CHRNB1: variants seen among roughly 807,000 people sequenced by gnomAD.
CHRNB1 encodes the protein acetylcholine receptor subunit beta.
Under a neutral mutation model 53.8 loss-of-function variants are expected in CHRNB1, and 47 were observed. The ratio of observed to expected loss-of-function variants is 0.87; its 90% CI spans 0.69 to 1.11. The LOEUF (loss-of-function observed/expected upper bound fraction) is 1.11. Ranked by LOEUF, CHRNB1 falls within the 50% of genes most tolerant of loss-of-function variation. The probability of loss-of-function intolerance (pLI) is 0.00; values close to 1 mark genes in which losing one functional copy is unlikely to be tolerated. For synonymous variants in CHRNB1, 259 were observed against 263.5 expected (o/e 0.98, Z 0.16); for missense variants, 605 against 654.9 (o/e 0.92, Z 0.83).
chr17:7,453,997 G>A (rs1219737478), intron 7 of CHRNB1, among the ~76,000 whole-genome samples: 2 of 152,126 alleles, frequency 1.3e-5, no homozygotes, highest in Admixed American at 6.5e-5. Context: ...GGAAGTGGAG[G>A]TTTCAATGAG....
chr17:7,448,894 G>A, intron 7 of CHRNB1, 106 bp downstream of exon 7: 1 of 1,247,018 alleles, frequency 8.0e-7, no homozygotes, highest in South Asian at 1.2e-5. Context: ...ATCATAGATT[G>A]GGCTTCAGCA....
chr17:7,454,213 G>A, intron 7 of CHRNB1, 84 bp from the exon 8 acceptor site: 17 of 1,171,618 alleles, frequency 1.5e-5, no homozygotes, highest in Non-Finnish European at 2.0e-5. Flanking sequence ...TCTTTGAATG[G>A]CCTGGAAACA....
At chr17:7,451,793 T>C (rs921708843) in intron 7 of CHRNB1, among the ~76,000 whole-genome samples, 2 of 152,126 alleles carry the variant, frequency 1.3e-5, no homozygotes, top group Admixed American at 1.3e-4. Flanking sequence ...TCTTGGGCCC[T>C]CCAGGGCCTG....
In CHRNB1 at chr17:7,456,726, A is replaced by G; in HGVS notation, c.*3A>G. On this transcript the variant is annotated 3_prime_UTR_variant, in exon 11 of 11. Transcript: ENST00000306071. ...CCCCTCCAGACCCCTTTCCTTGAAG[A>G]CTGGAGGGTTGAGACCCAGGCCCCC... 1 of 1,613,984 alleles carries G rather than the reference A, an allele frequency of 6.2e-7. No individual in the cohort carries two copies. The highest frequency in any genetic ancestry group is 1.6e-4 in the Middle Eastern group (1 of 6,062).
chr17:7,446,431 C>G, intron 3 of CHRNB1: 2 of 527,334 alleles, frequency 3.8e-6, no homozygotes, highest in Non-Finnish European at 6.8e-6. Flanking sequence ...GAGCCATCCA[C>G]CAGCCTCGGG....
rs929507535 is a variant in CHRNB1 at position 7,456,970 on chromosome 17, G to A, written c.*247G>A. 1.7e-5 allele frequency: 9 copies of A among 541,908 alleles called. No homozygotes were observed. The highest frequency in any genetic ancestry group is 9.3e-5 in the Admixed American group (3 of 32,094). 33.6% of individuals were successfully genotyped at this position (541,908 alleles called of 1,614,324 possible). A position where few individuals can be genotyped will look rare whatever the true frequency, so the allele number is the denominator to read the frequency against. On this transcript the variant is annotated 3_prime_UTR_variant, in exon 11 of 11. Transcript: ENST00000306071. ...TCTTTTGGGTATCAACACCTAGGTC[G>A]CCAGTGAAATAGAACACAGAACAGG...
intron 7 of CHRNB1, among the ~76,000 whole-genome samples, chr17:7,452,107 G>A (rs1299150829): frequency 6.7e-6 from 1 of 149,020 alleles, no homozygotes; most frequent in African/African-American, 2.5e-5. Context: ...CCAGGCTGGA[G>A]TGCAGTGGCA....
chr17:7,446,303 T>TTTTG lies in CHRNB1; in HGVS notation c.243+191_243+192insTTGT, dbSNP rs1555551774. On this transcript the variant is annotated intron_variant, in intron 3 of 10. Coordinates refer to ENST00000306071, the MANE Select transcript of CHRNB1 (RefSeq NM_000747.3). The stretch of plus-strand genomic sequence containing the variant: ...ACCCCATGCATTTTTAATTCCAATT[T>TTTTG]TGTGTGTGTGTGTGTGTGTGTGTCT... 6.9e-5 allele frequency: 33 copies of TTTTG among 478,008 alleles called. No individual in the cohort carries two copies. In the African/African-American group the frequency reaches 7.3e-4, roughly 11 times the overall value. The allele number at this position is 478,008 out of a possible 1,614,324, so 29.6% of individuals were successfully genotyped here.
intron 2 of CHRNB1, 35 bp from the exon 3 acceptor site, chr17:7,446,034 A>C: frequency 6.2e-7 from 1 of 1,605,770 alleles, no homozygotes; most frequent in African/African-American, 1.3e-5. Context: ...TCTCCACCCT[A>C]CTTCACCTTT....
chr17:7,455,917 G>A lies in CHRNB1; in HGVS notation c.1341G>A (p.Leu447=). The change falls in exon 10 of 11, where the codon CTG becomes CTA. Residue 447 remains leucine (L), a synonymous_variant. Transcript: ENST00000306071. Reference sequence around the variant, plus strand: ...CTATCAGCTACATCGCTCGACAGCTGCAGGAACAGGAGGACCACGATGCGG... The same window carrying A: ...CTATCAGCTACATCGCTCGACAGCTACAGGAACAGGAGGACCACGATGCGG... ...VSSISYIARQ[L]QEQEDHDALK... The A allele has an allele frequency of 1.2e-6, 2 of 1,614,134 alleles. No homozygotes were observed. Among genetic ancestry groups the A allele is most frequent in the Non-Finnish European group, 8.5e-7 (1 of 1,180,034 alleles).
intron 8 of CHRNB1, 116 bp downstream of exon 8, chr17:7,454,636 C>T: frequency 1.2e-6 from 1 of 812,850 alleles, no homozygotes. Context: ...AAATGTTGCA[C>T]AGTTAAGCTA....
At chr17:7,450,084 A>AATC (rs1255791472) in intron 7 of CHRNB1, among the ~76,000 whole-genome samples, 3 of 141,296 alleles carry the variant, frequency 2.1e-5, no homozygotes, top group African/African-American at 7.9e-5. Flanking sequence ...AATAAATAAT[A>AATC]GTAATAGTCA....
intron 10 of CHRNB1, 102 bp from the exon 11 acceptor site, chr17:7,456,481 C>A: frequency 6.7e-7 from 1 of 1,501,252 alleles, no homozygotes; most frequent in Non-Finnish European, 9.2e-7. Context: ...TTGCCTCAAA[C>A]CAGTGGTAGG....
intron 7 of CHRNB1, among the ~76,000 whole-genome samples, chr17:7,451,768 C>A (rs1240252312): frequency 6.6e-6 from 1 of 152,150 alleles, no homozygotes; most frequent in Admixed American, 6.5e-5. Context: ...GGTTCTCTTG[C>A]CAGGTGCTGT....
chr17:7,448,086 A>AAG, intron 6 of CHRNB1, among the ~76,000 whole-genome samples: 1 of 147,690 alleles, frequency 6.8e-6, no homozygotes, highest in African/African-American at 2.5e-5. Context: ...AAAAAAAAAA[A>AAG]AAAAAAAAAA....
At chr17:7,454,794 C>CT (rs1171593191) in intron 8 of CHRNB1, among the ~76,000 whole-genome samples, 2,703 of 65,546 alleles carry the variant, frequency 0.041, 308 homozygotes, top group East Asian at 0.094. Context: ...CACTAAATAG[C>CT]TTTTTTTTTT....
In CHRNB1 at chr17:7,446,319, G is replaced by GTGTGTC. The variant is rs1908615240; in HGVS notation, c.243+211_243+212insCTGTGT. ...ATTCCAATTTTGTGTGTGTGTGTGT[G>GTGTGTC]TGTGTGTCTGTGTGTGTGTGTGTGT... is the stretch of plus-strand genomic sequence containing the variant. On this transcript the variant is annotated intron_variant, in intron 3 of 10. Coordinates refer to ENST00000306071, the MANE Select transcript of CHRNB1 (RefSeq NM_000747.3). The GTGTGTC allele has an allele frequency of 4.8e-5, 14 of 290,810 alleles. No individual in the cohort carries two copies. In the Admixed American group the frequency reaches 8.5e-4, roughly 18 times the overall value. 18.0% of individuals were successfully genotyped at this position (290,810 alleles called of 1,614,324 possible).
chr17:7,454,185 C>A, intron 7 of CHRNB1, 112 bp from the exon 8 acceptor site: 1 of 941,168 alleles, frequency 1.1e-6, no homozygotes, highest in Non-Finnish European at 1.7e-6. Context: ...AACCACTGTG[C>A]CTGGCTGTAG....
At position 7,445,423 on chromosome 17, in the gene CHRNB1, G is replaced by A. The variant is rs765610075; in HGVS notation, c.198+14G>A. Reference sequence around the variant, plus strand: ...CTCATCAGCCTGGTGAGGGCGCGCGGGGGGTGGAGGTCAGGCCAGCCGACC... The same window carrying A: ...CTCATCAGCCTGGTGAGGGCGCGCGAGGGGTGGAGGTCAGGCCAGCCGACC... On this transcript the variant is annotated intron_variant, in intron 2 of 10. Coordinates refer to ENST00000306071, the MANE Select transcript of CHRNB1 (RefSeq NM_000747.3). The surrounding 1 kb of genome is among the most constrained non-coding windows in gnomAD (Gnocchi z 5.7). 5.0e-6 allele frequency: 8 copies of A among 1,610,120 alleles called. No homozygotes were observed. The highest frequency in any genetic ancestry group is 1.1e-5 in the South Asian group (1 of 90,856).
Sources: gnomAD v4.1 joint callset for allele counts (sites outside exome capture counted in the v4.1 genomes callset) on GRCh38, gnomAD v4.1.1 for gene constraint, Gnocchi (gnomAD v3.1) non-coding constraint, MANE v1.5 for transcripts, NCBI Gene and HGNC (gene_info 2026-07-23, HGNC 2026-07-21) for gene names.